GRID2: variants seen among roughly 807,000 people sequenced by gnomAD.
GRID2 encodes the protein glutamate receptor ionotropic, delta-2.
Under a neutral mutation model 114.8 loss-of-function variants are expected in GRID2, and 33 were observed. That is an observed-to-expected ratio of 0.29 (90% CI 0.22 to 0.38). GRID2 has a LOEUF of 0.38. Ranked by LOEUF, GRID2 falls within the 10% of genes least tolerant of loss-of-function variation. The pLI is 1.00. For synonymous variants in GRID2, 505 were observed against 449.9 expected (o/e 1.12, Z -1.55); for missense variants, 1,184 against 1,257.7 (o/e 0.94, Z 0.89).
intron 4 of GRID2, among the ~76,000 whole-genome samples, chr4:93,153,604 G>C (rs180670694): frequency 6.6e-6 from 1 of 151,988 alleles, no homozygotes; most frequent in Admixed American, 6.6e-5. Flanking sequence ...ATTCCAGGCC[G>C]GGACATAGCA....
At chr4:93,651,800 A>G (rs1180368667) in intron 14 of GRID2, among the ~76,000 whole-genome samples, 1 of 152,156 alleles carries the variant, frequency 6.6e-6, no homozygotes, top group Non-Finnish European at 1.5e-5. Context: ...GTATTTGTTA[A>G]CCACCTACTA....
chr4:93,761,006 C>T (rs970572822), intron 14 of GRID2, among the ~76,000 whole-genome samples: 22 of 152,102 alleles, frequency 1.4e-4, no homozygotes, highest in Non-Finnish European at 2.9e-4. Context: ...AATAAATGCT[C>T]AGATATATTT....
chr4:93,759,434 T>G (rs1733025544), intron 14 of GRID2, among the ~76,000 whole-genome samples: 1 of 152,224 alleles, frequency 6.6e-6, no homozygotes. Flanking sequence ...ACATAAATGT[T>G]GTTCTAAATG....
At chr4:92,919,990 C>G (rs1196869034) in intron 2 of GRID2, among the ~76,000 whole-genome samples, 3 of 152,104 alleles carry the variant, frequency 2.0e-5, no homozygotes, top group Admixed American at 2.0e-4. Context: ...GTGTAAGTCT[C>G]TTTGTAGGTC....
intron 2 of GRID2, among the ~76,000 whole-genome samples, chr4:92,656,049 G>A (rs1732215655): frequency 6.6e-6 from 1 of 151,510 alleles, no homozygotes; most frequent in Non-Finnish European, 1.5e-5. Context: ...CTTCTATGCC[G>A]AGTTTGTTGA....
intron 2 of GRID2, among the ~76,000 whole-genome samples, chr4:92,769,493 G>A (rs1738435063): frequency 6.6e-6 from 1 of 152,180 alleles, no homozygotes; most frequent in Admixed American, 6.5e-5. Context: ...GACTCTGTAT[G>A]GGGGCTCCAA....
At chr4:92,660,063 T>C (rs545497145) in intron 2 of GRID2, among the ~76,000 whole-genome samples, 9 of 151,464 alleles carry the variant, frequency 5.9e-5, no homozygotes, top group Non-Finnish European at 1.3e-4. Flanking sequence ...TGGTAGAGAA[T>C]ATCCACGAAA....
At chr4:92,723,021 TAAGTC>T (rs1735884962) in intron 2 of GRID2, among the ~76,000 whole-genome samples, 1 of 152,086 alleles carries the variant, frequency 6.6e-6, no homozygotes, top group African/African-American at 2.4e-5. Context: ...CTTTCAGAAA[TAAGTC>T]AAACAACTTG....
intron 13 of GRID2, among the ~76,000 whole-genome samples, chr4:93,624,061 C>T (rs1742460719): frequency 6.6e-6 from 1 of 152,052 alleles, no homozygotes; most frequent in Non-Finnish European, 1.5e-5. Context: ...CTTCATATAG[C>T]TCCTACTAAT....
chr4:93,331,130 C>G (rs902939568), intron 8 of GRID2, among the ~76,000 whole-genome samples: 3 of 146,234 alleles, frequency 2.1e-5, no homozygotes, highest in Non-Finnish European at 4.5e-5. Flanking sequence ...TATCTAACCC[C>G]CCCCCCATTT....
chr4:92,463,154 A>T (rs1462829967), intron 1 of GRID2, among the ~76,000 whole-genome samples: 3 of 151,792 alleles, frequency 2.0e-5, no homozygotes, highest in Non-Finnish European at 4.4e-5. Flanking sequence ...GTAACTAGTT[A>T]GTGTAAAATT....
At chr4:93,034,623 A>G (rs1380684373) in intron 2 of GRID2, among the ~76,000 whole-genome samples, 1 of 152,082 alleles carries the variant, frequency 6.6e-6, no homozygotes, top group African/African-American at 2.4e-5. Context: ...CAAGTGTGTG[A>G]CCTTTATTTA....
intron 1 of GRID2, among the ~76,000 whole-genome samples, chr4:92,378,326 G>A (rs1729452677): frequency 6.6e-6 from 1 of 151,852 alleles, no homozygotes; most frequent in African/African-American, 2.4e-5. Context: ...CTGTATATGT[G>A]GTTGTCATAT....
At chr4:93,220,074 C>T (rs1164186845) in intron 6 of GRID2, among the ~76,000 whole-genome samples, 1 of 151,700 alleles carries the variant, frequency 6.6e-6, no homozygotes, top group Non-Finnish European at 1.5e-5. Flanking sequence ...GTGTATTGTC[C>T]CAATTACTGA....
chr4:92,828,077 G>A (rs1741853707), intron 2 of GRID2, among the ~76,000 whole-genome samples: 1 of 151,972 alleles, frequency 6.6e-6, no homozygotes, highest in African/African-American at 2.4e-5. Flanking sequence ...CAACTAAAAA[G>A]TCTGAGAAAC....
intron 13 of GRID2, among the ~76,000 whole-genome samples, chr4:93,531,671 T>G (rs1293338836): frequency 3.3e-5 from 5 of 152,134 alleles, no homozygotes; most frequent in Admixed American, 6.6e-5. Flanking sequence ...TGAAAGATTC[T>G]GCCAACATTG....
intron 2 of GRID2, among the ~76,000 whole-genome samples, chr4:93,078,755 A>G (rs1229401754): frequency 6.9e-6 from 1 of 145,884 alleles, no homozygotes; most frequent in African/African-American, 2.5e-5. Flanking sequence ...TATACTAAAT[A>G]TAATTATATT....
In GRID2 at chr4:93,021,712, ATTAT is replaced by A. The variant is rs981674365; in HGVS notation, c.245-63278_245-63275del. 1.2e-4 allele frequency among the ~76,000 whole-genome samples: 18 copies of A among 145,532 alleles called. No homozygotes were observed. In the South Asian group the frequency reaches 2.7e-3, roughly 22 times the overall value. Reference sequence around the variant, plus strand: ...TAATATGTATATTATGAATATTATAATTATTTATAATATGTATATTATGAATATT... The same window carrying A: ...TAATATGTATATTATGAATATTATAATTATAATATGTATATTATGAATATT... On this transcript the variant is annotated intron_variant, in intron 2 of 15. Coordinates refer to ENST00000282020, the MANE Select transcript of GRID2 (RefSeq NM_001510.4).
intron 2 of GRID2, among the ~76,000 whole-genome samples, chr4:92,881,625 A>C (rs1746022282): frequency 6.6e-6 from 1 of 152,182 alleles, no homozygotes; most frequent in Non-Finnish European, 1.5e-5. Context: ...AGAGAAATGG[A>C]AGGTTGCAGT....
Sources: allele counts gnomAD v4.1 joint callset (sites outside exome capture counted in the v4.1 genomes callset), GRCh38; gene constraint gnomAD v4.1.1; transcripts MANE v1.5; gene names NCBI Gene and HGNC (gene_info 2026-07-23, HGNC 2026-07-21).